GGT5: variants seen among roughly 807,000 people sequenced by gnomAD.
GGT5 encodes the protein glutathione hydrolase 5 proenzyme.
Under a neutral mutation model 58.1 loss-of-function variants are expected in GGT5, and 50 were observed. The observed-to-expected ratio is 0.86, with a 90% confidence interval of 0.69 to 1.09. The LOEUF is 1.09. GGT5 is among the 50% of genes least tolerant of loss of function. GGT5 has a pLI of 0.00. For synonymous variants in GGT5, 370 were observed against 346.1 expected, an observed-to-expected ratio of 1.07 and a Z score of -0.77; for missense variants, 800 against 789.4, an observed-to-expected ratio of 1.01 and a Z score of -0.16.
At chr22:24,228,207 G>A (rs1236490067) in intron 6 of GGT5, among the ~76,000 whole-genome samples, 2 of 152,006 alleles carry the variant, frequency 1.3e-5, no homozygotes, top group Non-Finnish European at 1.5e-5. Context: ...GCTGAGGTGA[G>A]AGGATTGCTT....
Position 24,233,587 on chromosome 22 carries a change from A to C in GGT5, c.311T>G (p.Val104Gly). Residue 104 changes from valine (V) to glycine (G), a missense_variant, in exon 3 of 12, where the codon GTG becomes GGG. Val to Gly is a moderately radical substitution (Grantham distance 109). Coordinates refer to ENST00000327365, the MANE Select transcript of GGT5 (RefSeq NM_004121.5). ...CGTCTCCCGGGCATTGATGACCTCC[A>C]CCTTCCCTGGAGTAGGGCAGGGCAG... ...FTIYNVTTGKVEVINARETVP... is the reference protein window; with the variant it reads ...FTIYNVTTGKGEVINARETVP... 1 of 1,603,940 alleles carries C rather than the reference A, an allele frequency of 6.2e-7. No individual in the cohort carries two copies.
intron 11 of GGT5, among the ~76,000 whole-genome samples, chr22:24,222,934 G>A (rs970680750): frequency 4.6e-5 from 7 of 152,074 alleles, no homozygotes; most frequent in East Asian, 3.9e-4. Context: ...AAAATTAGCC[G>A]AGCGTGGTGG....
In GGT5 at chr22:24,225,381, C is replaced by G; in HGVS notation, c.1367G>C (p.Gly456Ala). The change falls in exon 10 of 12, where the codon GGA becomes GCA. Residue 456 changes from glycine (G) to alanine (A), a missense_variant. Coordinates refer to ENST00000327365, the MANE Select transcript of GGT5 (RefSeq NM_004121.5). Reference sequence around the variant, plus strand: ...GCCTGGAACTGGGGGCCAGCACCTTCCGGGAGCTCCACCCACCCTGTCTCC... The same window carrying G: ...GCCTGGAACTGGGGGCCAGCACCTTGCGGGAGCTCCACCCACCCTGTCTCC... ...VSGDRVGGAP[G>A]RCWPPVPGER... The G allele has an allele frequency of 6.2e-7, 1 of 1,608,702 alleles. No homozygotes were observed. Among genetic ancestry groups the G allele is most frequent in the Non-Finnish European group, 8.5e-7 (1 of 1,176,906 alleles).
In GGT5 at chr22:24,219,802, G is replaced by C; in HGVS notation, c.*168C>G. ...TCTGGGAAAGGGGGTTAGGGATGAG[G>C]CTCAGCCTCTCATCTGCCCAGCTGG... On this transcript the variant is annotated 3_prime_UTR_variant, in exon 12 of 12. Transcript: ENST00000327365. 1.6e-6 allele frequency: 1 copy of C among 641,860 alleles called. No homozygotes were observed. The highest frequency in any genetic ancestry group is 2.7e-6 in the Non-Finnish European group (1 of 373,626). 39.8% of individuals were successfully genotyped at this position (641,860 alleles called of 1,614,324 possible). A position where few individuals can be genotyped will look rare whatever the true frequency, so the allele number is the denominator to read the frequency against.
chr22:24,231,176 G>A (rs1417324060), intron 6 of GGT5, among the ~76,000 whole-genome samples: 7 of 152,206 alleles, frequency 4.6e-5, no homozygotes, highest in East Asian at 3.8e-4. Context: ...AAAGCCTCAC[G>A]TATGGGTCGA....
Position 24,226,941 on chromosome 22 carries a change from G to T in GGT5, c.902-174C>A, listed in dbSNP as rs566902591. Among the ~76,000 whole-genome samples the T allele has an allele frequency of 1.8e-4, 26 of 144,654 alleles. 1 individual carries two copies. In the South Asian group the frequency reaches 5.2e-3, roughly 29 times the overall value. 94.9% of individuals were successfully genotyped at this position (144,654 alleles called of 152,430 possible). ...ACCTTAAGTGGAAAAGTAAGTTAAG[G>T]ATTTTTTTTTTTTTTTTTTTTTTTT... is the stretch of plus-strand genomic sequence containing the variant. On this transcript the variant is annotated intron_variant, in intron 6 of 11. Coordinates refer to ENST00000327365, the MANE Select transcript of GGT5 (RefSeq NM_004121.5).
At chr22:24,231,246 T>C (rs1387518289) in intron 6 of GGT5, 138 bp downstream of exon 6, 1 of 626,474 alleles carries the variant, frequency 1.6e-6, no homozygotes, top group Non-Finnish European at 2.8e-6. Context: ...TGTCTTCATA[T>C]TGTGCATCTG....
intron 2 of GGT5, 102 bp downstream of exon 2, chr22:24,233,769 GAAC>G: frequency 3.4e-6 from 4 of 1,186,944 alleles, no homozygotes; most frequent in Middle Eastern, 1.9e-4. Flanking sequence ...GGGGGCCCAA[GAAC>G]ACCCAGAAAC....
Position 24,233,031 on chromosome 22 carries a change from T to C in GGT5, c.401-13A>G. 3 of 1,492,640 alleles carry C rather than the reference T, an allele frequency of 2.0e-6. No individual in the cohort carries two copies. The highest frequency in any genetic ancestry group is 1.3e-5 in the South Asian group (1 of 75,586). The allele number at this position is 1,492,640 out of a possible 1,614,324, so 92.5% of individuals were successfully genotyped here. ...ATCCACTGGGCCCCTGCATGGCACA[T>C]CCCAGCTCTCAACCCTGTGGCTTCC... On this transcript the variant is annotated splice_polypyrimidine_tract_variant and intron_variant, in intron 3 of 11. Transcript: ENST00000327365.
chr22:24,226,841 C>G (rs1258662614), intron 6 of GGT5, 74 bp from the exon 7 acceptor site: 4 of 1,284,778 alleles, frequency 3.1e-6, no homozygotes, highest in Non-Finnish European at 4.5e-6. Context: ...CCACCCCCCA[C>G]CACAGAAAGA....
intron 11 of GGT5, among the ~76,000 whole-genome samples, chr22:24,223,045 G>A (rs1027250931): frequency 6.6e-6 from 1 of 151,222 alleles, no homozygotes; most frequent in Non-Finnish European, 1.5e-5. Context: ...AGCCAAGATC[G>A]TGCCACTGCA....
Position 24,238,952 on chromosome 22 carries a change from A to AT in GGT5, c.174-4949dup, listed in dbSNP as rs2048250222. Among the ~76,000 whole-genome samples, 5 of 37,868 alleles carry AT rather than the reference A, an allele frequency of 1.3e-4. 1 individual carries two copies. The South Asian group carries it at 3.2e-3, about 24-fold the overall frequency. 24.8% of individuals were successfully genotyped at this position (37,868 alleles called of 152,430 possible). Reference sequence around the variant, plus strand: ...TATATATTATATAATATATATATATATATATAATATATATATAGCCCATGA... The same window carrying AT: ...TATATATTATATAATATATATATATATTATATAATATATATATAGCCCATGA... On this transcript the variant is annotated intron_variant, in intron 1 of 11. Coordinates refer to ENST00000327365, the MANE Select transcript of GGT5 (RefSeq NM_004121.5).
chr22:24,239,165 C>T (rs1290946340), intron 1 of GGT5, among the ~76,000 whole-genome samples: 2 of 147,254 alleles, frequency 1.4e-5, no homozygotes, highest in Non-Finnish European at 3.0e-5. Context: ...CAGTGAAACC[C>T]GTCTCTACTA....
chr22:24,237,600 G>A (rs1176482562), intron 1 of GGT5, among the ~76,000 whole-genome samples: 3 of 151,960 alleles, frequency 2.0e-5, no homozygotes, highest in African/African-American at 4.8e-5. Context: ...GTAGAGACAG[G>A]GTTTCACTGT....
intron 1 of GGT5, 36 bp downstream of exon 1, chr22:24,244,517 C>G: frequency 1.3e-6 from 2 of 1,592,160 alleles, no homozygotes; most frequent in Non-Finnish European, 1.7e-6. Context: ...GGCTGGCTGC[C>G]AAGGGCCACC....
chr22:24,244,657 A>G lies in GGT5; in HGVS notation c.69T>C (p.Ile23=), dbSNP rs111461339. Residue 23 remains isoleucine (I), a synonymous_variant, in exon 1 of 12, where the codon ATT becomes ATC. Transcript: ENST00000327365. ...GTCGAGAGAGGACCACAGCCAGCAC[A>G]ATGACAGCCAGCGCCAGCCCCAGAC... ...LLGLGLALAV[I]VLAVVLSRHQ... is the part of the protein sequence containing the mutation. 787 of 1,612,852 alleles carry G rather than the reference A, an allele frequency of 4.9e-4. 6 individuals are homozygous for G. In the African/African-American group the frequency reaches 9.1e-3, roughly 19 times the overall value.
chr22:24,244,416 G>A (rs2048414534), intron 1 of GGT5, 137 bp downstream of exon 1: 1 of 737,828 alleles, frequency 1.4e-6, no homozygotes, highest in Non-Finnish European at 2.4e-6. Context: ...ACCCACACAT[G>A]CATGCAATCA....
chr22:24,225,102 A>G lies in GGT5; in HGVS notation c.1508T>C (p.Ile503Thr). Residue 503 changes from isoleucine (I) to threonine (T), a missense_variant, in exon 11 of 12, where the codon ATC becomes ACC. Coordinates refer to ENST00000327365, the MANE Select transcript of GGT5 (RefSeq NM_004121.5). ...ELIISAVAQAIMSKLWLGFDL... is the reference protein window; with the variant it reads ...ELIISAVAQATMSKLWLGFDL... ...AAAGCCAAGCCACAGCTTGCTCATG[A>G]TGGCCTGGGGGAGAGATGAGGGTTT... is the stretch of plus-strand genomic sequence containing the variant. 6.2e-7 allele frequency: 1 copy of G among 1,601,484 alleles called. No homozygotes were observed. Among genetic ancestry groups the G allele is most frequent in the East Asian group, 2.3e-5 (1 of 44,158 alleles).
intron 1 of GGT5, chr22:24,243,291 C>G (rs544601219): frequency 6.6e-6 from 1 of 152,374 alleles, no homozygotes; most frequent in Admixed American, 6.5e-5. Context: ...CCTCAAATCC[C>G]CTGAGAGCCA....
Sources: gnomAD v4.1 joint callset for allele counts (sites outside exome capture counted in the v4.1 genomes callset) on GRCh38, gnomAD v4.1.1 for gene constraint, MANE v1.5 for transcripts, NCBI Gene and HGNC (gene_info 2026-07-23, HGNC 2026-07-21) for gene names.